CASD1: variants seen among roughly 807,000 people sequenced by gnomAD.
CASD1 encodes the protein N-acetylneuraminate (7)9-O-acetyltransferase.
CASD1 carries 41 observed loss-of-function variants against 100.0 expected under a neutral mutation model. The observed-to-expected ratio is 0.41, with a 90% CI of 0.32 to 0.53. CASD1 has a LOEUF of 0.53. Among genes scored for constraint, CASD1 ranks in the 20% least tolerant of loss-of-function variants. The probability of loss-of-function intolerance (pLI) is 0.25; values close to 1 mark genes in which losing one functional copy is unlikely to be tolerated. For synonymous variants in CASD1, 321 were observed against 315.6 expected, an observed-to-expected ratio of 1.02 and a Z score of -0.18; for missense variants, 774 against 948.7, an observed-to-expected ratio of 0.82 and a Z score of 2.42.
chr7:94,577,553 A>G, the CASD1 span, among the ~76,000 whole-genome samples: 1 of 152,194 alleles, frequency 6.6e-6, no homozygotes, highest in East Asian at 1.9e-4. Context: ...GGATTATCCC[A>G]AGGTGAGAGC....
the CASD1 span, among the ~76,000 whole-genome samples, chr7:94,577,434 A>G: frequency 6.6e-6 from 1 of 152,170 alleles, no homozygotes; most frequent in Non-Finnish European, 1.5e-5. Flanking sequence ...ATTTTCTTAC[A>G]TGCCTTTGCG....
chr7:94,631,895 C>A, the CASD1 span, among the ~76,000 whole-genome samples: 416 of 152,064 alleles, frequency 2.7e-3, 6 homozygotes, highest in East Asian at 0.033. Flanking sequence ...CTAATTCATT[C>A]TTTCTAGAGA....
the CASD1 span, among the ~76,000 whole-genome samples, chr7:94,615,379 T>C: frequency 3.0e-5 from 4 of 135,176 alleles, no homozygotes; most frequent in East Asian, 2.1e-4. Context: ...GATAGATAGA[T>C]AGATAGATAG....
the CASD1 span, chr7:94,588,652 C>G: frequency 2.1e-5 from 33 of 1,567,892 alleles, no homozygotes; most frequent in East Asian, 6.7e-4. Flanking sequence ...CTATTAGATT[C>G]ATTCATAAAC....
At chr7:94,585,679 A>C in the CASD1 span, among the ~76,000 whole-genome samples, 1 of 152,190 alleles carries the variant, frequency 6.6e-6, no homozygotes, top group African/African-American at 2.4e-5. Context: ...TTTAAAAAAC[A>C]GAAAACAAAA....
At chr7:94,620,545 TTA>T in the CASD1 span, 1 of 152,308 alleles carries the variant, frequency 6.6e-6, no homozygotes, top group South Asian at 2.1e-4. Flanking sequence ...CAGAAATGTG[TTA>T]TGAGAAAGTT....
At chr7:94,593,773 A>G in the CASD1 span, among the ~76,000 whole-genome samples, 74 of 152,206 alleles carry the variant, frequency 4.9e-4, no homozygotes, top group African/African-American at 1.7e-3. Flanking sequence ...TCAGTTTCAC[A>G]TGGGGGAATT....
At chr7:94,631,651 G>A in the CASD1 span, among the ~76,000 whole-genome samples, 2 of 151,920 alleles carry the variant, frequency 1.3e-5, no homozygotes, top group Non-Finnish European at 2.9e-5. Flanking sequence ...TACTGTGGGG[G>A]CCTTTCGGGG....
chr7:94,547,433 A>G (rs1271691538), intron 13 of CASD1, among the ~76,000 whole-genome samples: 1 of 151,878 alleles, frequency 6.6e-6, no homozygotes, highest in Non-Finnish European at 1.5e-5. Context: ...GACTTTGATC[A>G]ATCAAACATT....
intron 15 of CASD1, chr7:94,552,045 T>G (rs1214681064): frequency 4.0e-6 from 1 of 252,552 alleles, no homozygotes; most frequent in Non-Finnish European, 7.4e-6. Flanking sequence ...TTTTAAAAGT[T>G]ACAATAAATT....
chr7:94,558,738 A>C (rs926747375), downstream of CASD1, among the ~76,000 whole-genome samples: 4 of 152,090 alleles, frequency 2.6e-5, no homozygotes, highest in Non-Finnish European at 5.9e-5. Flanking sequence ...CGTCCAAACT[A>C]TATTCCCAAA....
At chr7:94,601,893 A>G in the CASD1 span, among the ~76,000 whole-genome samples, 3 of 152,014 alleles carry the variant, frequency 2.0e-5, no homozygotes, top group Non-Finnish European at 2.9e-5. Context: ...TTTATTTATT[A>G]TGTTTACTGT....
chr7:94,629,694 T>C, the CASD1 span: 1 of 1,603,886 alleles, frequency 6.2e-7, no homozygotes, highest in African/African-American at 1.3e-5. Flanking sequence ...CGTTAACTGC[T>C]TTTTTTTCCT....
At chr7:94,628,511 T>G in the CASD1 span, 1 of 602,792 alleles carries the variant, frequency 1.7e-6, no homozygotes, top group East Asian at 2.8e-5. Context: ...GAATTTAAAT[T>G]AGGGCACCAC....
chr7:94,608,082 A>G, the CASD1 span, among the ~76,000 whole-genome samples: 2 of 152,156 alleles, frequency 1.3e-5, no homozygotes, highest in Admixed American at 1.3e-4. Context: ...GATGGCTCAC[A>G]CCTGTAATCC....
the CASD1 span, among the ~76,000 whole-genome samples, chr7:94,574,957 G>T: frequency 1.3e-5 from 2 of 152,124 alleles, no homozygotes; most frequent in Non-Finnish European, 2.9e-5. Context: ...GTGACAGAGG[G>T]AGACTCCATC....
the CASD1 span, chr7:94,603,278 A>G: frequency 2.5e-6 from 4 of 1,607,716 alleles, no homozygotes; most frequent in Admixed American, 6.7e-5. Flanking sequence ...CAAAAACAAA[A>G]TAAAAACTTA....
chr7:94,618,700 A>T, the CASD1 span: 1 of 1,417,942 alleles, frequency 7.1e-7, no homozygotes, highest in Non-Finnish European at 9.9e-7. Flanking sequence ...AATAAGTTTG[A>T]TAAGATCACC....
At chr7:94,578,785 C>G in the CASD1 span, among the ~76,000 whole-genome samples, 1 of 152,136 alleles carries the variant, frequency 6.6e-6, no homozygotes, top group Non-Finnish European at 1.5e-5. Context: ...TGATACTGGG[C>G]AGAAACCACA....
Sources: allele counts gnomAD v4.1 joint callset (sites outside exome capture counted in the v4.1 genomes callset), GRCh38; gene constraint gnomAD v4.1.1; transcripts MANE v1.5; gene names NCBI Gene and HGNC (gene_info 2026-07-23, HGNC 2026-07-21).